The following CCL25 variants were observed in gnomAD, a reference collection of about 807,000 sequenced individuals.
CCL25 encodes the protein C-C motif chemokine ligand 25.
Under a neutral mutation model 19.9 loss-of-function variants are expected in CCL25, and 14 were observed. That is an observed-to-expected ratio of 0.70 (90% confidence interval 0.47 to 1.10). CCL25 has a LOEUF of 1.10. Among genes scored for constraint, CCL25 ranks in the 50% least tolerant of loss-of-function variants. CCL25 has a pLI of 0.00. For missense variants in CCL25, 151 were observed against 181.2 expected (o/e 0.83, Z 0.96); for synonymous variants, 68 against 73.2 (o/e 0.93, Z 0.36).
At chr19:8,056,606 C>T in intron 4 of CCL25, 107 bp downstream of exon 4, 1 of 1,247,946 alleles carries the variant, frequency 8.0e-7, no homozygotes, top group Non-Finnish European at 1.1e-6. Context: ...AATACTGACA[C>T]CTGCCTGAAC....
intron 4 of CCL25, among the ~76,000 whole-genome samples, chr19:8,056,758 C>T (rs548584669): frequency 1.3e-5 from 2 of 152,284 alleles, no homozygotes; most frequent in South Asian, 2.1e-4. Flanking sequence ...TAGCTCACTG[C>T]GGCCTCAAAC....
intron 5 of CCL25, among the ~76,000 whole-genome samples, chr19:8,058,395 A>C (rs1350843450): frequency 2.2e-4 from 26 of 117,694 alleles, no homozygotes; most frequent in African/African-American, 9.0e-4. Flanking sequence ...ATATAAGTAA[A>C]TATATAATAT....
At position 8,061,161 on chromosome 19, in the gene CCL25, G is replaced by A. The variant is rs145843986; in HGVS notation, c.446-1057G>A. Among the ~76,000 whole-genome samples the A allele has an allele frequency of 3.1e-3, 472 of 151,582 alleles. 3 individuals are homozygous for A. The highest frequency in any genetic ancestry group is 0.011 in the African/African-American group (459 of 41,306). On this transcript the variant is annotated intron_variant, in intron 5 of 5. Transcript: ENST00000315626. Reference sequence around the variant, plus strand: ...GCACCACCACTGCCGACTAATTTTTGTATTTTTAGTAGAGATGGGGTTTTG... The same window carrying A: ...GCACCACCACTGCCGACTAATTTTTATATTTTTAGTAGAGATGGGGTTTTG...
Position 8,062,289 on chromosome 19 carries a change from G to C in CCL25, c.*64G>C, listed in dbSNP as rs1000481240. 3.1e-6 allele frequency: 5 copies of C among 1,587,886 alleles called. No homozygotes were observed. The highest frequency in any genetic ancestry group is 4.3e-6 in the Non-Finnish European group (5 of 1,157,948). On this transcript the variant is annotated 3_prime_UTR_variant, in exon 6 of 6. Coordinates refer to ENST00000315626, the MANE Select transcript of CCL25 (RefSeq NM_005624.4). Reference sequence around the variant, plus strand: ...CGGATCTTTCTCCGATAAAACCGTCGCCCTACAGACCCAGCTGTCCCCACG... The same window carrying C: ...CGGATCTTTCTCCGATAAAACCGTCCCCCTACAGACCCAGCTGTCCCCACG...
At chr19:8,059,104 T>A (rs1365740391) in intron 5 of CCL25, among the ~76,000 whole-genome samples, 2 of 76,064 alleles carry the variant, frequency 2.6e-5, no homozygotes, top group Non-Finnish European at 6.3e-5. Flanking sequence ...ATGTATATAT[T>A]TATATATAAT....
chr19:8,053,546 C>A (rs530851962), intron 2 of CCL25, among the ~76,000 whole-genome samples: 16 of 133,816 alleles, frequency 1.2e-4, no homozygotes, highest in African/African-American at 3.4e-4. Context: ...GCTCCTAAAC[C>A]ATTTTTTTTT....
intron 5 of CCL25, among the ~76,000 whole-genome samples, chr19:8,059,340 A>C (rs1197082047): frequency 6.6e-6 from 1 of 150,656 alleles, no homozygotes. Context: ...CTGGGATTAC[A>C]GGCATGCATC....
At chr19:8,053,420 A>G (rs2081246890) in intron 2 of CCL25, among the ~76,000 whole-genome samples, 1 of 151,908 alleles carries the variant, frequency 6.6e-6, no homozygotes. Context: ...CCAGGGATGT[A>G]TTGTAGAATC....
At chr19:8,060,170 GA>G (rs201837259) in intron 5 of CCL25, among the ~76,000 whole-genome samples, 2 of 139,720 alleles carry the variant, frequency 1.4e-5, no homozygotes, top group African/African-American at 5.3e-5. Context: ...CCTGTCTCAA[GA>G]AAAAAAAAAA....
chr19:8,062,046 CAAAAAAAAAA>C (rs34907151), intron 5 of CCL25, among the ~76,000 whole-genome samples, 162 bp from the exon 6 acceptor site: 1 of 60,530 alleles, frequency 1.7e-5, no homozygotes, highest in Non-Finnish European at 3.1e-5. Flanking sequence ...GAGACTGTCT[CAAAAAAAAAA>C]AAAAAAAAAA....
intron 2 of CCL25, among the ~76,000 whole-genome samples, chr19:8,053,375 G>A (rs931394502): frequency 2.0e-5 from 3 of 151,998 alleles, no homozygotes; most frequent in Non-Finnish European, 4.4e-5. Flanking sequence ...AGGGAGCAGA[G>A]GGTGGCTTCC....
In CCL25 at chr19:8,058,996, AATATAAAT is replaced by A. The variant is rs1327271365; in HGVS notation, c.445+1091_445+1098del. Among the ~76,000 whole-genome samples, 7 of 127,862 alleles carry A rather than the reference AATATAAAT, an allele frequency of 5.5e-5. No homozygotes were observed. The East Asian group carries it at 6.3e-4, about 12-fold the overall frequency. The allele number at this position is 127,862 out of a possible 152,430, so 83.9% of individuals were successfully genotyped here. Reference sequence around the variant, plus strand: ...ATATAATATAAATATATAAATATATAATATAAATATATAAATATATAATATAAATATAT... The same window carrying A: ...ATATAATATAAATATATAAATATATAATATAAATATATAATATAAATATAT... On this transcript the variant is annotated intron_variant, in intron 5 of 5. Coordinates refer to ENST00000315626, the MANE Select transcript of CCL25 (RefSeq NM_005624.4).
Position 8,057,956 on chromosome 19 carries a change from A to G in CCL25, c.445+36A>G, listed in dbSNP as rs201836610. The G allele has an allele frequency of 4.7e-3, 7,481 of 1,599,952 alleles. 18 individuals are homozygous for G. The highest frequency in any genetic ancestry group is 5.9e-3 in the Non-Finnish European group (6,869 of 1,171,204). On this transcript the variant is annotated intron_variant, in intron 5 of 5. Transcript: ENST00000315626. ...TTGGTCATGTGACTGTCTCCCATCC[A>G]TCACCTTTGCTGAGGGTTGAGGGCT...
intron 4 of CCL25, among the ~76,000 whole-genome samples, chr19:8,057,493 G>C (rs1036180938): frequency 2.2e-4 from 34 of 151,990 alleles, no homozygotes; most frequent in Non-Finnish European, 2.9e-5. Flanking sequence ...CCATGCCTGG[G>C]TAATTTTTTA....
At chr19:8,059,898 G>A (rs984237517) in intron 5 of CCL25, among the ~76,000 whole-genome samples, 3 of 151,842 alleles carry the variant, frequency 2.0e-5, no homozygotes, top group Non-Finnish European at 4.4e-5. Flanking sequence ...GACCATCCAG[G>A]CTAACATGGT....
At chr19:8,060,452 C>T (rs1026135433) in intron 5 of CCL25, among the ~76,000 whole-genome samples, 6 of 152,036 alleles carry the variant, frequency 3.9e-5, no homozygotes, top group Non-Finnish European at 5.9e-5. Context: ...CTTCTGTTCC[C>T]GTGGAGTTGC....
upstream of CCL25, among the ~76,000 whole-genome samples, chr19:8,052,540 A>AG (rs35503296): frequency 0.12 from 18,398 of 151,372 alleles, 1,420 homozygotes; most frequent in Middle Eastern, 0.21. Flanking sequence ...ACAGGGGAAA[A>AG]GGCCCTTTCT....
rs565924856 is a variant in CCL25 at position 8,060,108 on chromosome 19, T to TA, written c.446-2103dup. Among the ~76,000 whole-genome samples the TA allele has an allele frequency of 1.4e-3, 198 of 138,472 alleles. 1 individual carries two copies. In the East Asian group the frequency reaches 0.016, roughly 11 times the overall value. The allele number at this position is 138,472 out of a possible 152,430, so 90.8% of individuals were successfully genotyped here. ...TGTCTCTAAATAAATAAATAAATAA[T>TA]AAAAAAATTGAGCCCAGGAGTTTGA... On this transcript the variant is annotated intron_variant, in intron 5 of 5. Coordinates refer to ENST00000315626, the MANE Select transcript of CCL25 (RefSeq NM_005624.4).
At position 8,058,043 on chromosome 19, in the gene CCL25, G is replaced by C. The variant is rs2303166; in HGVS notation, c.445+123G>C. The C allele has an allele frequency of 5.7e-4, 821 of 1,450,908 alleles. 11 individuals carry two copies. In the East Asian group the frequency reaches 0.017, roughly 30 times the overall value. The allele number at this position is 1,450,908 out of a possible 1,614,324, so 89.9% of individuals were successfully genotyped here. A position where few individuals can be genotyped will look rare whatever the true frequency, so the allele number is the denominator to read the frequency against. On this transcript the variant is annotated intron_variant, in intron 5 of 5. Transcript: ENST00000315626. ...CAGGACCCAGGAGAGGTGGTTGTGC[G>C]GTCAGTGCCGCAGATTCACAGGGGA...
Sources: gnomAD v4.1 joint callset for allele counts (sites outside exome capture counted in the v4.1 genomes callset) on GRCh38, gnomAD v4.1.1 for gene constraint, MANE v1.5 for transcripts, NCBI Gene and HGNC (gene_info 2026-07-23, HGNC 2026-07-21) for gene names.